The following COL15A1 variants were observed in gnomAD, a reference collection of about 807,000 sequenced individuals.
COL15A1 encodes collagen alpha-1(XV) chain.
In COL15A1, 111 loss-of-function variants were observed where a neutral mutation model predicts 165.9. The observed-to-expected ratio is 0.67, with a 90% CI of 0.57 to 0.78. The LOEUF is 0.78. COL15A1 is among the 30% of genes least tolerant of loss of function. The pLI is 0.00. For missense variants in COL15A1, 1,745 were observed against 1,789.7 expected, an observed-to-expected ratio of 0.98 and a Z score of 0.45; for synonymous variants, 659 against 674.8, an observed-to-expected ratio of 0.98 and a Z score of 0.36.
intron 12 of COL15A1, 31 bp downstream of exon 12, chr9:99,020,473 TTGGC>T: frequency 6.6e-7 from 1 of 1,523,960 alleles, no homozygotes; most frequent in Non-Finnish European, 9.1e-7. Flanking sequence ...GGGGAACACT[TTGGC>T]TCCTGATCAA....
chr9:99,026,453 C>T (rs1331931040), intron 16 of COL15A1, among the ~76,000 whole-genome samples: 1 of 152,210 alleles, frequency 6.6e-6, no homozygotes, highest in African/African-American at 2.4e-5. Flanking sequence ...CTCTCGTCAG[C>T]CCCTGCCCTG....
chr9:99,054,506 C>A, intron 31 of COL15A1, 70 bp from the exon 32 acceptor site: 1 of 1,486,502 alleles, frequency 6.7e-7, no homozygotes, highest in South Asian at 1.3e-5. Context: ...GAAAACCTGT[C>A]TCAGAAAGGT....
At position 99,044,640 on chromosome 9, in the gene COL15A1, A is replaced by G. The variant is rs1170416386; in HGVS notation, c.2643+4A>G. 6.2e-7 allele frequency: 1 copy of G among 1,614,060 alleles called. No individual in the cohort carries two copies. On this transcript the variant is annotated splice_donor_region_variant and intron_variant, in intron 25 of 41. Coordinates refer to ENST00000375001, the MANE Select transcript of COL15A1 (RefSeq NM_001855.5). ...GGAAAGGCTGATGGGGAAAAAGGTA[A>G]TTATGTCACCAGACCCTGCAGGCAC...
rs1839514256 is a variant in COL15A1, at chr9:99,047,678, G to A, written c.2680-108G>A. On this transcript the variant is annotated intron_variant, in intron 26 of 41. Transcript: ENST00000375001. Reference sequence around the variant, plus strand: ...CTGGCTCCCTGCCCTCCTTCCTCCTGTCAGTGGATCATCGTCACCACTGCC... The same window carrying A: ...CTGGCTCCCTGCCCTCCTTCCTCCTATCAGTGGATCATCGTCACCACTGCC... 130 of 1,160,092 alleles carry A rather than the reference G, an allele frequency of 1.1e-4. 2 individuals carry two copies. The South Asian group carries it at 1.6e-3, about 14-fold the overall frequency. The allele number at this position is 1,160,092 out of a possible 1,614,324, so 71.9% of individuals were successfully genotyped here.
At chr9:98,971,443 C>G (rs1032485184) in intron 2 of COL15A1, among the ~76,000 whole-genome samples, 3 of 152,076 alleles carry the variant, frequency 2.0e-5, no homozygotes, top group African/African-American at 7.2e-5. Context: ...TCTTTGTTCC[C>G]CAAATGGAAA....
rs1825686454 is a variant in COL15A1 at position 99,054,629 on chromosome 9, G to A, written c.3004G>A (p.Gly1002Ser). The A allele has an allele frequency of 1.2e-6, 2 of 1,613,220 alleles. No individual in the cohort carries two copies. Among genetic ancestry groups the A allele is most frequent in the South Asian group, 1.1e-5 (1 of 90,942 alleles). The change falls in exon 32 of 42, where the codon GGC (glycine) becomes AGC (serine). Residue 1002 changes from glycine (G) to serine (S), a missense_variant. Physicochemically the swap from Gly to Ser is moderately conservative, Grantham distance 56. Coordinates refer to ENST00000375001, the MANE Select transcript of COL15A1 (RefSeq NM_001855.5). ...TCTTCCTGGCTCAAAGGGAGAAAAA[G>A]GCGACCAGGGAGCCCAGGGACCACC... ...WGLPGSKGEK[G>S]DQGAQGPPGP...
chr9:98,991,726 G>C (rs892741649), intron 5 of COL15A1, among the ~76,000 whole-genome samples: 2 of 152,040 alleles, frequency 1.3e-5, no homozygotes, highest in Non-Finnish European at 2.9e-5. Context: ...GCTAGACACA[G>C]AGAACTAATT....
intron 37 of COL15A1, 28 bp from the exon 38 acceptor site, chr9:99,062,217 T>C: frequency 1.2e-6 from 2 of 1,606,540 alleles, no homozygotes; most frequent in African/African-American, 1.3e-5. Context: ...AATTGATCTT[T>C]CATTTCAATG....
rs780336096 is a variant in COL15A1 at position 98,989,214 on chromosome 9, G to A, written c.760G>A (p.Gly254Arg). 1.4e-5 allele frequency: 22 copies of A among 1,614,146 alleles called. No individual in the cohort carries two copies. Among genetic ancestry groups the A allele is most frequent in the Middle Eastern group, 1.6e-4 (1 of 6,062 alleles). Reference protein sequence around the residue: ...GETSGLQEADGVAEILEAVTY... With the variant: ...GETSGLQEADRVAEILEAVTY... Reference sequence around the variant, plus strand: ...GACCAGTGGGCTGCAGGAGGCAGACGGAGTAGCTGAGATCTTAGAAGCCGT... The same window carrying A: ...GACCAGTGGGCTGCAGGAGGCAGACAGAGTAGCTGAGATCTTAGAAGCCGT... Residue 254 changes from glycine (G) to arginine (R), a missense_variant, in exon 5 of 42, where the codon GGA becomes AGA. Coordinates refer to ENST00000375001, the MANE Select transcript of COL15A1 (RefSeq NM_001855.5).
intron 36 of COL15A1, 71 bp from the exon 37 acceptor site, chr9:99,061,900 A>T: frequency 6.5e-7 from 1 of 1,533,716 alleles, no homozygotes; most frequent in Non-Finnish European, 8.8e-7. Context: ...CTTTACAGAG[A>T]GGCCAGGTTA....
Position 98,997,205 on chromosome 9 carries a change from G to A in COL15A1, c.952+124G>A, listed in dbSNP as rs1409850220. Reference sequence around the variant, plus strand: ...CCTTCCCCTCAACCCTTTAAGAAAGGGTGAGAACCACCCTCATTTTACAGA... The same window carrying A: ...CCTTCCCCTCAACCCTTTAAGAAAGAGTGAGAACCACCCTCATTTTACAGA... On this transcript the variant is annotated intron_variant, in intron 6 of 41. Coordinates refer to ENST00000375001, the MANE Select transcript of COL15A1 (RefSeq NM_001855.5). The A allele has an allele frequency of 3.3e-6, 4 of 1,209,814 alleles. No individual in the cohort carries two copies. In the African/African-American group the frequency reaches 4.6e-5, roughly 14 times the overall value. The allele number at this position is 1,209,814 out of a possible 1,614,324, so 74.9% of individuals were successfully genotyped here.
intron 31 of COL15A1, 142 bp downstream of exon 31, chr9:99,052,575 C>G: frequency 1.4e-6 from 1 of 728,928 alleles, no homozygotes; most frequent in Non-Finnish European, 2.5e-6. Context: ...GCAGCTGAGC[C>G]AAGGCTGTGG....
intron 8 of COL15A1, 79 bp from the exon 9 acceptor site, chr9:99,004,819 T>C: frequency 1.3e-6 from 2 of 1,558,286 alleles, no homozygotes; most frequent in Non-Finnish European, 8.8e-7. Flanking sequence ...TGAGGGGCCC[T>C]GGCCTTCTGT....
intron 2 of COL15A1, among the ~76,000 whole-genome samples, chr9:98,959,393 T>A (rs1249263679): frequency 6.6e-6 from 1 of 151,900 alleles, no homozygotes; most frequent in African/African-American, 2.4e-5. Context: ...GCTACAGTAC[T>A]CTTTCCAAGT....
At position 99,034,273 on chromosome 9, in the gene COL15A1, G is replaced by A. The variant is rs149634130; in HGVS notation, c.2044-276G>A. On this transcript the variant is annotated intron_variant, in intron 16 of 41. Coordinates refer to ENST00000375001, the MANE Select transcript of COL15A1 (RefSeq NM_001855.5). ...CAGCTCTCCAAGCGAAATCTTCTAT[G>A]ATCTCTCCCTCATTAATCTTTAACT... Among the ~76,000 whole-genome samples the A allele has an allele frequency of 3.3e-4, 50 of 152,292 alleles. No individual in the cohort carries two copies. In the East Asian group the frequency reaches 8.1e-3, roughly 25 times the overall value.
chr9:99,068,529 T>C (rs990376934), intron 40 of COL15A1, 26 bp from the exon 41 acceptor site: 9 of 986,938 alleles, frequency 9.1e-6, no homozygotes, highest in Non-Finnish European at 1.3e-5. Flanking sequence ...GTATAATGAT[T>C]CTAATGTGGT....
chr9:99,048,713 C>T (rs1448039170), intron 28 of COL15A1, among the ~76,000 whole-genome samples: 1 of 116,912 alleles, frequency 8.6e-6, no homozygotes, highest in Non-Finnish European at 1.7e-5. Flanking sequence ...CCACAACAGT[C>T]CCCGGAGTGT....
At chr9:99,032,378 C>T (rs899352212) in intron 16 of COL15A1, among the ~76,000 whole-genome samples, 3 of 151,890 alleles carry the variant, frequency 2.0e-5, no homozygotes, top group Non-Finnish European at 2.9e-5. Context: ...TTAGTAGAGA[C>T]GGGGTTTCAC....
intron 3 of COL15A1, chr9:98,986,349 T>C (rs1461149193): frequency 1.0e-5 from 5 of 484,836 alleles, no homozygotes; most frequent in Non-Finnish European, 1.8e-5. Flanking sequence ...CTCTCTGTGT[T>C]TCCTTATCTG....
Sources: gnomAD v4.1 joint callset for allele counts (sites outside exome capture counted in the v4.1 genomes callset) on GRCh38, gnomAD v4.1.1 for gene constraint, MANE v1.5 for transcripts, NCBI Gene and HGNC (gene_info 2026-07-23, HGNC 2026-07-21) for gene names.